The following GSPT1 variants were observed in gnomAD, a reference collection of about 807,000 sequenced individuals.
GSPT1 encodes G1 to S phase transition 1.
In GSPT1, 20 loss-of-function variants were observed where a neutral mutation model predicts 72.5. The observed-to-expected ratio is 0.28, with a 90% CI of 0.19 to 0.40. The LOEUF (loss-of-function observed/expected upper bound fraction) is 0.40, where lower values mean the gene tolerates loss of function less well. Among genes scored for constraint, GSPT1 ranks in the 10% least tolerant of loss-of-function variants. GSPT1 has a pLI of 1.00. For synonymous variants in GSPT1, 334 were observed against 293.5 expected (o/e 1.14, Z -1.41); for missense variants, 580 against 811.9 (o/e 0.71, Z 3.47).
chr16:11,889,329 CTTTTTTTTTTT>C (rs902991145), intron 6 of GSPT1, among the ~76,000 whole-genome samples: 34 of 60,074 alleles, frequency 5.7e-4, no homozygotes, highest in African/African-American at 2.3e-3. Context: ...CCCTCTTCTT[CTTTTTTTTTTT>C]TTTTTTTTTT....
At chr16:11,903,209 T>G (rs529475793) in intron 1 of GSPT1, among the ~76,000 whole-genome samples, 7 of 152,054 alleles carry the variant, frequency 4.6e-5, no homozygotes, top group Non-Finnish European at 1.0e-4. Flanking sequence ...AATCAAATTT[T>G]AACTATCAAT....
At position 11,892,506 on chromosome 16, in the gene GSPT1, C is replaced by CAAAAAAAAAAAAAA. The variant is rs777010436; in HGVS notation, c.699-1368_699-1367insTTTTTTTTTTTTTT. 2.8e-3 allele frequency among the ~76,000 whole-genome samples: 169 copies of CAAAAAAAAAAAAAA among 60,084 alleles called. 1 individual carries two copies. The highest frequency in any genetic ancestry group is 3.8e-3 in the East Asian group (7 of 1,832). 39.4% of individuals were successfully genotyped at this position (60,084 alleles called of 152,430 possible). A position where few individuals can be genotyped will look rare whatever the true frequency, so the allele number is the denominator to read the frequency against. On this transcript the variant is annotated intron_variant, in intron 5 of 14. Coordinates refer to ENST00000434724, the MANE Select transcript of GSPT1 (RefSeq NM_002094.4). ...CCTAAACAACAGGGAGACCCTTTCT[C>CAAAAAAAAAAAAAA]AAAAAAACAAAAAAAACAAAAAAAA...
At position 11,915,850 on chromosome 16, in the gene GSPT1, G is replaced by A; in HGVS notation, c.-130C>T. The stretch of plus-strand genomic sequence containing the variant: ...AGAAGGGCCGGGAGCTAGCGACAAA[G>A]ATCCCCGGCGTCGCCGCGGCAGCAG... On this transcript the variant is annotated 5_prime_UTR_variant, in exon 1 of 15. Transcript: ENST00000434724. 3 of 1,412,896 alleles carry A rather than the reference G, an allele frequency of 2.1e-6. No homozygotes were observed. Among genetic ancestry groups the A allele is most frequent in the Non-Finnish European group, 3.0e-6 (3 of 1,016,918 alleles). The allele number at this position is 1,412,896 out of a possible 1,614,324, so 87.5% of individuals were successfully genotyped here.
intron 6 of GSPT1, among the ~76,000 whole-genome samples, chr16:11,889,956 T>A (rs536038275): frequency 1.3e-5 from 2 of 148,920 alleles, no homozygotes; most frequent in South Asian, 4.2e-4. Flanking sequence ...AAAGTTGTTT[T>A]CCTTTTTTCT....
rs1040671613 is a variant in GSPT1 at position 11,897,819 on chromosome 16, T to C, written c.436+21A>G. On this transcript the variant is annotated intron_variant, in intron 3 of 14. Transcript: ENST00000434724. ...AAAGAGTTTCATATTACTGTATTAA[T>C]ATGGTCAGAAATTTTCTTACCAATA... The C allele has an allele frequency of 2.3e-6, 3 of 1,318,208 alleles. No individual in the cohort carries two copies. The Admixed American group carries it at 5.8e-5, about 26-fold the overall frequency. 81.7% of individuals were successfully genotyped at this position (1,318,208 alleles called of 1,614,324 possible).
At chr16:11,902,889 A>T (rs1003466751) in intron 1 of GSPT1, among the ~76,000 whole-genome samples, 21 of 151,666 alleles carry the variant, frequency 1.4e-4, no homozygotes, top group African/African-American at 5.1e-4. Context: ...ACCTGGCCTT[A>T]AATTTTTTAT....
intron 6 of GSPT1, among the ~76,000 whole-genome samples, chr16:11,889,329 CTTTTTTTTTTTTTT>C (rs902991145): frequency 2.2e-4 from 13 of 60,072 alleles, no homozygotes; most frequent in African/African-American, 8.2e-4. Flanking sequence ...CCCTCTTCTT[CTTTTTTTTTTTTTT>C]TTTTTTTTTT....
chr16:11,891,405 C>T, intron 5 of GSPT1, among the ~76,000 whole-genome samples: 1 of 148,714 alleles, frequency 6.7e-6, no homozygotes, highest in Non-Finnish European at 1.5e-5. Context: ...TCTTGTCATC[C>T]ACCTGGAGTG....
chr16:11,900,085 AC>A (rs1280597099), intron 1 of GSPT1, among the ~76,000 whole-genome samples: 13 of 152,056 alleles, frequency 8.5e-5, no homozygotes, highest in Admixed American at 8.5e-4. Flanking sequence ...TGTAATCCCA[AC>A]ACTTTGGGAG....
rs1380138629 is a variant in GSPT1, at chr16:11,868,695, A to G, written c.*4424T>C. On this transcript the variant is annotated 3_prime_UTR_variant, in exon 15 of 15. Transcript: ENST00000434724. The stretch of plus-strand genomic sequence containing the variant: ...GGGCTGACATCTGAAGCACTAAGCT[A>G]ATGTGCCTGGTAGAGGGGAGCCTCA... 3 of 152,258 alleles carry G rather than the reference A, an allele frequency of 2.0e-5. No individual in the cohort carries two copies. The highest frequency in any genetic ancestry group is 2.9e-5 in the Non-Finnish European group (2 of 68,090). The allele number at this position is 152,258 out of a possible 1,614,324, so 9.4% of individuals were successfully genotyped here. A position where few individuals can be genotyped will look rare whatever the true frequency, so the allele number is the denominator to read the frequency against.
At chr16:11,916,037 C>T, upstream of GSPT1, 2 of 636,350 alleles carry the variant, frequency 3.1e-6, no homozygotes, top group South Asian at 1.4e-5. Flanking sequence ...CGCCGCCACC[C>T]GTACCTTCGC....
rs2054254762 is a variant in GSPT1, at chr16:11,891,246, A to T, written c.699-107T>A. ...AAAATTTCAACGTCAGAAAATAGTTATTTTATATGTGTGTGTCTGTCTAAA... is the reference window on the plus strand; with the variant it reads ...AAAATTTCAACGTCAGAAAATAGTTTTTTTATATGTGTGTGTCTGTCTAAA... On this transcript the variant is annotated intron_variant, in intron 5 of 14. Transcript: ENST00000434724. 3 of 521,828 alleles carry T rather than the reference A, an allele frequency of 5.7e-6. No homozygotes were observed. In the East Asian group the frequency reaches 1.1e-4, roughly 19 times the overall value. The allele number at this position is 521,828 out of a possible 1,614,324, so 32.3% of individuals were successfully genotyped here.
intron 11 of GSPT1, among the ~76,000 whole-genome samples, chr16:11,879,603 C>A (rs938339127): frequency 6.6e-6 from 1 of 151,022 alleles, no homozygotes; most frequent in East Asian, 2.0e-4. Context: ...CATGGTGGCA[C>A]GTTCCTGTAA....
chr16:11,916,076 C>G, upstream of GSPT1: 2 of 538,632 alleles, frequency 3.7e-6, no homozygotes, highest in Non-Finnish European at 7.1e-6. Context: ...TGGCCGCCCC[C>G]GTTTCCGGCT....
chr16:11,911,689 A>G (rs1019125580), intron 1 of GSPT1, among the ~76,000 whole-genome samples: 1 of 151,194 alleles, frequency 6.6e-6, no homozygotes, highest in African/African-American at 2.4e-5. Flanking sequence ...AGTAGCTGGG[A>G]CTACGGGCGC....
chr16:11,887,069 G>A (rs1002088432), intron 7 of GSPT1, 138 bp from the exon 8 acceptor site: 31 of 613,554 alleles, frequency 5.1e-5, no homozygotes, highest in South Asian at 4.3e-4. Context: ...GAGTTATGAC[G>A]TACCTGCTTT....
intron 5 of GSPT1, among the ~76,000 whole-genome samples, chr16:11,892,538 AT>A (rs1337311582): frequency 1.3e-4 from 19 of 149,772 alleles, no homozygotes; most frequent in African/African-American, 4.7e-4. Context: ...AAAACAAAAA[AT>A]AAAAAATGGC....
chr16:11,889,093 G>A (rs1046723514), intron 6 of GSPT1, among the ~76,000 whole-genome samples: 5 of 152,080 alleles, frequency 3.3e-5, no homozygotes, highest in African/African-American at 1.2e-4. Flanking sequence ...CAGATCACAA[G>A]GTCAGGAGAT....
chr16:11,912,304 T>G (rs2054570311), intron 1 of GSPT1, among the ~76,000 whole-genome samples: 1 of 144,000 alleles, frequency 6.9e-6, no homozygotes, highest in South Asian at 2.1e-4. Flanking sequence ...GCCGAGATCG[T>G]GCCATTGCAC....
Sources: allele counts gnomAD v4.1 joint callset (sites outside exome capture counted in the v4.1 genomes callset), GRCh38; gene constraint gnomAD v4.1.1; transcripts MANE v1.5; gene names NCBI Gene and HGNC (gene_info 2026-07-23, HGNC 2026-07-21).